The following ZNF589 variants were observed in gnomAD, a reference collection of about 807,000 sequenced individuals.
ZNF589 encodes zinc finger protein 589.
A neutral mutation model predicts 13.6 loss-of-function variants in ZNF589; 17 were observed. The ratio of observed to expected loss-of-function variants is 1.25; its 90% CI spans 0.86 to 1.88. The LOEUF (loss-of-function observed/expected upper bound fraction) is 1.88. ZNF589 is among the 40% of genes most tolerant of loss of function. ZNF589 has a pLI of 0.00. For missense variants in ZNF589, 407 were observed against 434.0 expected (o/e 0.94, Z 0.55); for synonymous variants, 148 against 161.6 (o/e 0.92, Z 0.64).
In ZNF589 at chr3:48,268,798, T is replaced by TAG. The variant is rs1051798188; in HGVS notation, c.*12_*13insAG. On this transcript the variant is annotated 3_prime_UTR_variant, in exon 4 of 4. Transcript: ENST00000354698. ...TGTGCAGAGATTGAGGCCGAGGCTTTGTAAGGAGATCATGTCTCAACACAC... is the reference window on the plus strand; with the variant it reads ...TGTGCAGAGATTGAGGCCGAGGCTTTAGGTAAGGAGATCATGTCTCAACACAC... 1 of 1,603,026 alleles carries TAG rather than the reference T, an allele frequency of 6.2e-7. No individual in the cohort carries two copies. Among genetic ancestry groups the TAG allele is most frequent in the Non-Finnish European group, 8.5e-7 (1 of 1,174,318 alleles).
intron 2 of ZNF589, chr3:48,256,909 G>T: frequency 1.3e-6 from 1 of 744,524 alleles, no homozygotes; most frequent in Non-Finnish European, 2.3e-6. Context: ...GCTGCCCACA[G>T]CCAGACACCA....
chr3:48,268,939 C>G lies in ZNF589; in HGVS notation c.*153C>G. The G allele has an allele frequency of 1.8e-6, 2 of 1,114,784 alleles. No homozygotes were observed. 69.1% of individuals were successfully genotyped at this position (1,114,784 alleles called of 1,614,324 possible). A position where few individuals can be genotyped will look rare whatever the true frequency, so the allele number is the denominator to read the frequency against. ...GGACACATTCAGAGGTGAAACCTCA[C>G]GTGTGTGAGGAGTGTGGGCATGGAT... On this transcript the variant is annotated 3_prime_UTR_variant, in exon 4 of 4. Coordinates refer to ENST00000354698, the MANE Select transcript of ZNF589 (RefSeq NM_016089.3).
chr3:48,268,605 T>G lies in ZNF589; in HGVS notation c.914T>G (p.Val305Gly). 2.5e-6 allele frequency: 4 copies of G among 1,613,948 alleles called. No homozygotes were observed. Among genetic ancestry groups the G allele is most frequent in the Non-Finnish European group, 3.4e-6 (4 of 1,180,004 alleles). ...ACACACTCCGGGGAGAAACCTTATGTGTGCAGCCATTGTGGGCGAGGCTTT... is the reference window on the plus strand; with the variant it reads ...ACACACTCCGGGGAGAAACCTTATGGGTGCAGCCATTGTGGGCGAGGCTTT... Reference protein sequence around the residue: ...LSTHSGEKPYVCSHCGRGFSC... With the variant: ...LSTHSGEKPYGCSHCGRGFSC... The change falls in exon 4 of 4, where the codon GTG becomes GGG. Residue 305 changes from valine to glycine, a missense_variant. Physicochemically the swap from Val to Gly is moderately radical, Grantham distance 109. Coordinates refer to ENST00000354698, the MANE Select transcript of ZNF589 (RefSeq NM_016089.3).
At chr3:48,260,744 C>G in intron 2 of ZNF589, 69 bp from the exon 3 acceptor site, 1 of 1,606,330 alleles carries the variant, frequency 6.2e-7, no homozygotes, top group Non-Finnish European at 8.5e-7. Context: ...TGCTCCAAGA[C>G]CACCAGTTCC....
chr3:48,269,356 TTA>T lies in ZNF589; in HGVS notation c.*572_*573del, dbSNP rs1354702377. The T allele has an allele frequency of 6.1e-6, 6 of 987,334 alleles. No individual in the cohort carries two copies. Among genetic ancestry groups the T allele is most frequent in the Non-Finnish European group, 8.9e-6 (6 of 676,320 alleles). The allele number at this position is 987,334 out of a possible 1,614,324, so 61.2% of individuals were successfully genotyped here. On this transcript the variant is annotated 3_prime_UTR_variant, in exon 4 of 4. Transcript: ENST00000354698. ...GGAGTACACACTCCAAGGAAAAACC[TTA>T]TGTGTGCAGCCAGTGTGGGCGAGGC...
chr3:48,248,638 G>T lies in ZNF589; in HGVS notation c.96+961G>T, dbSNP rs560901702. ...AGATTCTGGGAGCTAGCCAAATAGA[G>T]TTGTTAAATTCACTGTCCTTATTCT... On this transcript the variant is annotated intron_variant, in intron 2 of 3. Transcript: ENST00000354698. 5.3e-5 allele frequency among the ~76,000 whole-genome samples: 8 copies of T among 152,252 alleles called. No individual in the cohort carries two copies. In the East Asian group the frequency reaches 1.5e-3, roughly 29 times the overall value.
chr3:48,257,995 A>C, intron 2 of ZNF589: 1 of 430,850 alleles, frequency 2.3e-6, no homozygotes, highest in Non-Finnish European at 4.5e-6. Flanking sequence ...GATCTCTCTT[A>C]CTTTGTTCTT....
At chr3:48,263,775 C>T (rs1301674635) in intron 3 of ZNF589, among the ~76,000 whole-genome samples, 2 of 152,004 alleles carry the variant, frequency 1.3e-5, no homozygotes, top group Non-Finnish European at 2.9e-5. Context: ...AAAAAAAACA[C>T]AAAACATTAT....
chr3:48,269,358 A>G lies in ZNF589; in HGVS notation c.*572A>G. 1.1e-6 allele frequency: 1 copy of G among 939,878 alleles called. No individual in the cohort carries two copies. The highest frequency in any genetic ancestry group is 1.6e-6 in the Non-Finnish European group (1 of 638,448). The allele number at this position is 939,878 out of a possible 1,614,324, so 58.2% of individuals were successfully genotyped here. ...AGTACACACTCCAAGGAAAAACCTT[A>G]TGTGTGCAGCCAGTGTGGGCGAGGC... On this transcript the variant is annotated 3_prime_UTR_variant, in exon 4 of 4. Coordinates refer to ENST00000354698, the MANE Select transcript of ZNF589 (RefSeq NM_016089.3).
Position 48,269,945 on chromosome 3 carries a change from G to A in ZNF589, c.*1159G>A, listed in dbSNP as rs2034071542. The A allele has an allele frequency of 2.3e-6, 1 of 434,988 alleles. No individual in the cohort carries two copies. Among genetic ancestry groups the A allele is most frequent in the Admixed American group, 2.4e-5 (1 of 40,896 alleles). The allele number at this position is 434,988 out of a possible 1,614,324, so 26.9% of individuals were successfully genotyped here. A position where few individuals can be genotyped will look rare whatever the true frequency, so the allele number is the denominator to read the frequency against. ...TCCACTGTACGCCCACCCCACTCTT[G>A]TTCTAAGAGCTTTGGGGACAGTCTT... On this transcript the variant is annotated 3_prime_UTR_variant, in exon 4 of 4. Coordinates refer to ENST00000354698, the MANE Select transcript of ZNF589 (RefSeq NM_016089.3).
intron 1 of ZNF589, among the ~76,000 whole-genome samples, chr3:48,241,863 G>A (rs1304927518): frequency 6.6e-6 from 1 of 151,960 alleles, no homozygotes; most frequent in Non-Finnish European, 1.5e-5. Flanking sequence ...GAGTCGGTCC[G>A]GAGTGCAGTG....
At chr3:48,256,563 C>T in intron 2 of ZNF589, 3 of 685,116 alleles carry the variant, frequency 4.4e-6, no homozygotes, top group Non-Finnish European at 8.1e-6. Flanking sequence ...GGTAACAGAC[C>T]TGCTCGGTAG....
At chr3:48,262,336 C>T (rs760844008) in intron 3 of ZNF589, among the ~76,000 whole-genome samples, 10 of 151,810 alleles carry the variant, frequency 6.6e-5, no homozygotes, top group East Asian at 5.8e-4. Flanking sequence ...ATTACAGGCG[C>T]GCATCACCAC....
intron 3 of ZNF589, among the ~76,000 whole-genome samples, chr3:48,263,829 T>G (rs1363414129): frequency 6.6e-6 from 1 of 152,192 alleles, no homozygotes; most frequent in African/African-American, 2.4e-5. Context: ...GGACAGTAAG[T>G]GAGATGTTAC....
At chr3:48,260,983 A>G in intron 3 of ZNF589, 44 bp downstream of exon 3, 1 of 1,606,230 alleles carries the variant, frequency 6.2e-7, no homozygotes, top group South Asian at 1.1e-5. Context: ...TCAAGTATTT[A>G]CTGACCATAT....
At chr3:48,249,671 CAT>C (rs984471013) in intron 2 of ZNF589, among the ~76,000 whole-genome samples, 27 of 152,288 alleles carry the variant, frequency 1.8e-4, no homozygotes, top group Admixed American at 3.9e-4. Flanking sequence ...TTATGATTGA[CAT>C]ATAATGTTTG....
intron 3 of ZNF589, among the ~76,000 whole-genome samples, chr3:48,266,490 A>C (rs1040223645): frequency 1.3e-5 from 2 of 152,246 alleles, no homozygotes; most frequent in Non-Finnish European, 2.9e-5. Flanking sequence ...GTGCTGCCCT[A>C]GAATCAGGAA....
At chr3:48,247,165 T>G (rs2033776027) in intron 1 of ZNF589, among the ~76,000 whole-genome samples, 1 of 149,930 alleles carries the variant, frequency 6.7e-6, no homozygotes, top group African/African-American at 2.5e-5. Context: ...GAGTTGGGGT[T>G]TCTTTGTCAT....
intron 3 of ZNF589, among the ~76,000 whole-genome samples, chr3:48,263,432 T>C (rs2033987737): frequency 6.6e-6 from 1 of 152,122 alleles, no homozygotes; most frequent in Non-Finnish European, 1.5e-5. Flanking sequence ...ATGTTTCGGA[T>C]AGGGCATTAC....
Sources: allele counts gnomAD v4.1 joint callset (sites outside exome capture counted in the v4.1 genomes callset), GRCh38; gene constraint gnomAD v4.1.1; transcripts MANE v1.5; gene names NCBI Gene and HGNC (gene_info 2026-07-23, HGNC 2026-07-21).